The following CD163L1 variants were observed in gnomAD, a reference collection of about 807,000 sequenced individuals.
The protein encoded by CD163L1 is scavenger receptor cysteine-rich type 1 protein M160.
In CD163L1, 124 loss-of-function variants were observed where a neutral mutation model predicts 165.4. The ratio of observed to expected loss-of-function variants is 0.75; its 90% CI spans 0.65 to 0.87. The LOEUF (loss-of-function observed/expected upper bound fraction) is 0.87, where lower values mean the gene tolerates loss of function less well. CD163L1 is among the 40% of genes least tolerant of loss of function. The pLI is 0.00. For synonymous variants in CD163L1, 585 were observed against 662.2 expected, an observed-to-expected ratio of 0.88 and a Z score of 1.79; for missense variants, 1,525 against 1,799.9, an observed-to-expected ratio of 0.85 and a Z score of 2.76.
the CD163L1 span, among the ~76,000 whole-genome samples, chr12:7,331,179 C>T: frequency 6.2e-4 from 95 of 152,352 alleles, 1 homozygote; most frequent in Admixed American, 2.7e-3. Context: ...CACAGAGCCT[C>T]GCTCATTGCT....
intron 8 of CD163L1, among the ~76,000 whole-genome samples, chr12:7,389,802 CACAG>C (rs1400713585): frequency 1.3e-5 from 2 of 151,420 alleles, no homozygotes; most frequent in East Asian, 1.9e-4. Flanking sequence ...AGCATGTACC[CACAG>C]ACATTTTTAA....
At chr12:7,421,577 GTACATATA>G (rs1948422512) in intron 4 of CD163L1, among the ~76,000 whole-genome samples, 3 of 95,278 alleles carry the variant, frequency 3.1e-5, no homozygotes, top group African/African-American at 1.5e-4. Flanking sequence ...ATATATACAT[GTACATATA>G]TACATATACA....
chr12:7,351,160 G>GATATACATCAACACATATAGATAT (rs1946704265), downstream of CD163L1, among the ~76,000 whole-genome samples: 2 of 151,968 alleles, frequency 1.3e-5, no homozygotes, highest in Admixed American at 1.3e-4. Context: ...TAGATGGATA[G>GATATACATCAACACATATAGATAT]ATATACATCA....
chr12:7,335,833 A>G, the CD163L1 span, among the ~76,000 whole-genome samples: 5 of 10,300 alleles, frequency 4.9e-4, no homozygotes, highest in African/African-American at 1.7e-3. Flanking sequence ...CAACCCCATC[A>G]AAAAGTGGGC....
downstream of CD163L1, among the ~76,000 whole-genome samples, chr12:7,352,307 G>A (rs2136365618): frequency 6.6e-6 from 1 of 152,178 alleles, no homozygotes; most frequent in Non-Finnish European, 1.5e-5. Context: ...TAAGAACAGT[G>A]GAAATCTTTG....
rs763342189 is a variant in CD163L1, at chr12:7,429,761, G to C, written c.766+2655C>G. On this transcript the variant is annotated intron_variant, in intron 4 of 19. Transcript: ENST00000313599. ...CTCCTTCAGGGTCTTCTTAACTTCT[G>C]TCTCTGCATCCAAGCTTGGCTCTCA... Among the ~76,000 whole-genome samples the C allele has an allele frequency of 1.7e-4, 26 of 152,156 alleles. 1 individual carries two copies. Among genetic ancestry groups the C allele is most frequent in the Admixed American group, 2.6e-4 (4 of 15,282 alleles).
chr12:7,413,091 C>CA (rs111943372), intron 4 of CD163L1, among the ~76,000 whole-genome samples: 2,969 of 38,888 alleles, frequency 0.076, 232 homozygotes, highest in East Asian at 0.16. Context: ...GACTCCATCT[C>CA]AAAAAAAAAA....
downstream of CD163L1, among the ~76,000 whole-genome samples, chr12:7,345,642 T>C (rs1012621657): frequency 6.6e-6 from 1 of 152,192 alleles, no homozygotes; most frequent in African/African-American, 2.4e-5. Context: ...AGCACCTTTA[T>C]AGCAATGCCC....
chr12:7,400,177 GT>G lies in CD163L1; in HGVS notation c.1409-1594del, dbSNP rs1404636160. ...ACAATTCTTGGTTACCTATGTTATG[GT>G]TAATTTTTCATTTTCACAAATTACA... On this transcript the variant is annotated intron_variant, in intron 6 of 19. Coordinates refer to ENST00000313599, the MANE Select transcript of CD163L1 (RefSeq NM_174941.6). The surrounding 1 kb of genome is among the most constrained non-coding windows in gnomAD (Gnocchi z 4.1). Among the ~76,000 whole-genome samples the G allele has an allele frequency of 6.6e-6, 1 of 152,016 alleles. No individual in the cohort carries two copies.
chr12:7,414,149 A>C (rs1948192691), intron 4 of CD163L1, among the ~76,000 whole-genome samples: 1 of 152,232 alleles, frequency 6.6e-6, no homozygotes. Context: ...ACAGCCTGAC[A>C]AAGAATTAAG....
chr12:7,392,506 T>C (rs1947679372), intron 8 of CD163L1, among the ~76,000 whole-genome samples: 1 of 151,632 alleles, frequency 6.6e-6, no homozygotes, highest in Admixed American at 6.6e-5. Context: ...AATATCACAG[T>C]TAAAAGAACT....
chr12:7,439,943 A>T (rs10845177), intron 2 of CD163L1: 1,057,125 of 1,583,370 alleles, frequency 0.67, 372,348 homozygotes, highest in Non-Finnish European at 0.74. Flanking sequence ...TCGGCAGCTG[A>T]CACAGGGGCT....
chr12:7,423,381 A>C (rs1162960642), intron 4 of CD163L1, among the ~76,000 whole-genome samples: 2 of 152,206 alleles, frequency 1.3e-5, no homozygotes, highest in African/African-American at 2.4e-5. Context: ...AAAGCAGGGA[A>C]GATCTAAAAT....
chr12:7,416,325 T>A (rs1039006944), intron 4 of CD163L1, among the ~76,000 whole-genome samples: 2 of 152,216 alleles, frequency 1.3e-5, no homozygotes, highest in African/African-American at 4.8e-5. Flanking sequence ...TAGCCCTTTG[T>A]CAGAAGGATA....
At chr12:7,434,821 A>G (rs1396368411) in intron 2 of CD163L1, among the ~76,000 whole-genome samples, 1 of 152,154 alleles carries the variant, frequency 6.6e-6, no homozygotes, top group African/African-American at 2.4e-5. Flanking sequence ...CACTTTTCAC[A>G]AAAGATAACA....
At chr12:7,425,539 C>G (rs1416026553) in intron 4 of CD163L1, among the ~76,000 whole-genome samples, 1 of 152,032 alleles carries the variant, frequency 6.6e-6, no homozygotes, top group African/African-American at 2.4e-5. Context: ...ACAGAGTGAA[C>G]AGGCAACCTA....
chr12:7,357,325 C>T (rs771848751), intron 19 of CD163L1, 55 bp downstream of exon 19: 227 of 1,134,790 alleles, frequency 2.0e-4, no homozygotes, highest in Non-Finnish European at 2.6e-4. Flanking sequence ...TTTAATTCTG[C>T]GACAGTGGGA....
Position 7,439,928 on chromosome 12 carries a change from T to C in CD163L1, c.124+1226A>G, listed in dbSNP as rs911051291. The C allele has an allele frequency of 2.5e-6, 4 of 1,595,390 alleles. No individual in the cohort carries two copies. The Admixed American group carries it at 7.0e-5, about 28-fold the overall frequency. On this transcript the variant is annotated intron_variant, in intron 2 of 19. Coordinates refer to ENST00000313599, the MANE Select transcript of CD163L1 (RefSeq NM_174941.6). Reference sequence around the variant, plus strand: ...TCTTCGACTTCGGCCAACTCCTCAGTGCTGTCGGCAGCTGACACAGGGGCT... The same window carrying C: ...TCTTCGACTTCGGCCAACTCCTCAGCGCTGTCGGCAGCTGACACAGGGGCT...
intron 8 of CD163L1, among the ~76,000 whole-genome samples, chr12:7,391,757 G>C (rs1947659127): frequency 1.3e-5 from 2 of 152,076 alleles, no homozygotes; most frequent in Admixed American, 1.3e-4. Context: ...ATGCAAAAAA[G>C]AGCAGGGGTT....
Sources: gnomAD v4.1 joint callset for allele counts (sites outside exome capture counted in the v4.1 genomes callset) on GRCh38, gnomAD v4.1.1 for gene constraint, Gnocchi (gnomAD v3.1) non-coding constraint, MANE v1.5 for transcripts, NCBI Gene and HGNC (gene_info 2026-07-23, HGNC 2026-07-21) for gene names.